The following GNAQ variants were observed in gnomAD, a reference collection of about 807,000 sequenced individuals.
GNAQ encodes G protein subunit alpha q, also known as guanine nucleotide-binding protein G(q) subunit alpha.
In GNAQ, 8 loss-of-function variants were observed where a neutral mutation model predicts 43.9. The ratio of observed to expected loss-of-function variants is 0.18; its 90% CI spans 0.11 to 0.33. GNAQ has a LOEUF of 0.33. Among genes scored for constraint, GNAQ ranks in the 10% least tolerant of loss-of-function variants. The pLI, the probability that GNAQ is intolerant of heterozygous loss-of-function variation, is 1.00. For synonymous variants in GNAQ, 155 were observed against 170.7 expected, an observed-to-expected ratio of 0.91 and a Z score of 0.71; for missense variants, 158 against 450.8, an observed-to-expected ratio of 0.35 and a Z score of 5.88.
intron 5 of GNAQ, among the ~76,000 whole-genome samples, chr9:77,784,555 A>T (rs190671876): frequency 1.6e-4 from 24 of 152,366 alleles, no homozygotes; most frequent in Non-Finnish European, 1.5e-5. Context: ...AAAAATCTGC[A>T]TGCTAAAATA....
intron 5 of GNAQ, among the ~76,000 whole-genome samples, chr9:77,741,037 T>G (rs1019637331): frequency 6.6e-6 from 1 of 152,250 alleles, no homozygotes; most frequent in Non-Finnish European, 1.5e-5. Context: ...TTTCAAGTAA[T>G]TTTCATGTGT....
At chr9:77,998,794 A>G (rs928197564) in intron 1 of GNAQ, among the ~76,000 whole-genome samples, 2 of 152,148 alleles carry the variant, frequency 1.3e-5, no homozygotes, top group African/African-American at 4.8e-5. Context: ...CACTGCAATA[A>G]GACTTAAAAG....
At chr9:77,897,734 G>C (rs1449180467) in intron 2 of GNAQ, among the ~76,000 whole-genome samples, 1 of 152,066 alleles carries the variant, frequency 6.6e-6, no homozygotes, top group Admixed American at 6.5e-5. Flanking sequence ...AGTGAAGGGA[G>C]GCCACTCAGG....
intron 2 of GNAQ, among the ~76,000 whole-genome samples, chr9:77,912,828 C>G (rs1828830498): frequency 6.6e-6 from 1 of 152,142 alleles, no homozygotes; most frequent in African/African-American, 2.4e-5. Flanking sequence ...CAATGTGATA[C>G]CACTATCCAG....
intron 2 of GNAQ, among the ~76,000 whole-genome samples, chr9:77,881,208 C>T (rs1035560227): frequency 4.6e-5 from 7 of 152,126 alleles, no homozygotes; most frequent in African/African-American, 9.7e-5. Flanking sequence ...CCCCCCAAAA[C>T]GGGCAATATA....
intron 5 of GNAQ, among the ~76,000 whole-genome samples, chr9:77,753,548 A>G (rs1004418536): frequency 6.6e-6 from 1 of 152,252 alleles, no homozygotes; most frequent in African/African-American, 2.4e-5. Flanking sequence ...AACCTTTCAC[A>G]GAGTCAAGGA....
At chr9:77,901,365 C>T (rs1363484550) in intron 2 of GNAQ, among the ~76,000 whole-genome samples, 1 of 152,166 alleles carries the variant, frequency 6.6e-6, no homozygotes, top group African/African-American at 2.4e-5. Context: ...AAACCTGGCC[C>T]ATCTGTGTAT....
At chr9:77,912,732 T>G (rs1207568723) in intron 2 of GNAQ, among the ~76,000 whole-genome samples, 1 of 152,160 alleles carries the variant, frequency 6.6e-6, no homozygotes, top group Non-Finnish European at 1.5e-5. Context: ...AATTAATGTA[T>G]TTTATAAGAG....
At chr9:77,914,462 T>C (rs1042356213) in intron 2 of GNAQ, among the ~76,000 whole-genome samples, 1 of 152,072 alleles carries the variant, frequency 6.6e-6, no homozygotes, top group African/African-American at 2.4e-5. Flanking sequence ...AGTTTGAGAT[T>C]TAGCCTGACC....
chr9:78,024,221 G>A (rs190610592), intron 1 of GNAQ, among the ~76,000 whole-genome samples: 1 of 152,252 alleles, frequency 6.6e-6, no homozygotes, highest in African/African-American at 2.4e-5. Context: ...GAGAACAAAT[G>A]AGAGGAAGGC....
chr9:77,821,759 A>G lies in GNAQ; in HGVS notation c.322-5989T>C, dbSNP rs867443692. On this transcript the variant is annotated intron_variant, in intron 2 of 6. Transcript: ENST00000286548. ...TGTGTGTGTGTGTGTGTGTGTGTGT[A>G]TGTATGTATGCATTATTAATACCAC... Among the ~76,000 whole-genome samples, 156 of 86,004 alleles carry G rather than the reference A, an allele frequency of 1.8e-3. 2 individuals carry two copies. Among genetic ancestry groups the G allele is most frequent in the African/African-American group, 3.5e-3 (84 of 23,968 alleles). 56.4% of individuals were successfully genotyped at this position (86,004 alleles called of 152,430 possible).
At chr9:77,996,612 A>T (rs1823570612) in intron 1 of GNAQ, among the ~76,000 whole-genome samples, 1 of 146,680 alleles carries the variant, frequency 6.8e-6, no homozygotes, top group Admixed American at 7.2e-5. Flanking sequence ...CGGGAGGTGG[A>T]GCTTGCAGTG....
intron 2 of GNAQ, among the ~76,000 whole-genome samples, chr9:77,890,129 TTATC>T (rs1828377731): frequency 1.3e-5 from 2 of 152,156 alleles, no homozygotes; most frequent in African/African-American, 4.8e-5. Flanking sequence ...TTGAAATACT[TTATC>T]TTAGTTATAA....
chr9:77,919,117 A>G (rs1375811757), intron 2 of GNAQ, among the ~76,000 whole-genome samples: 1 of 152,078 alleles, frequency 6.6e-6, no homozygotes, highest in African/African-American at 2.4e-5. Flanking sequence ...ACAGGATTTC[A>G]CCATGCTAGC....
intron 2 of GNAQ, among the ~76,000 whole-genome samples, chr9:77,920,458 T>C (rs1009416829): frequency 6.6e-6 from 1 of 152,142 alleles, no homozygotes; most frequent in African/African-American, 2.4e-5. Flanking sequence ...CAGATCATCA[T>C]ATTATTAACT....
intron 3 of GNAQ, among the ~76,000 whole-genome samples, chr9:77,810,226 C>T (rs915482812): frequency 6.8e-6 from 1 of 146,640 alleles, no homozygotes; most frequent in Admixed American, 7.7e-5. Flanking sequence ...ATCTATCTAT[C>T]TATCTATCTA....
chr9:77,919,525 A>G (rs1828964825), intron 2 of GNAQ, among the ~76,000 whole-genome samples: 1 of 152,202 alleles, frequency 6.6e-6, no homozygotes, highest in Non-Finnish European at 1.5e-5. Flanking sequence ...AACAGGAAGG[A>G]GTAGACATGA....
intron 5 of GNAQ, among the ~76,000 whole-genome samples, chr9:77,747,803 T>C (rs184149675): frequency 1.3e-5 from 2 of 152,360 alleles, no homozygotes; most frequent in Admixed American, 1.3e-4. Context: ...GTAATTCCCG[T>C]GTGGGACCTA....
At chr9:77,918,977 C>T (rs1219863901) in intron 2 of GNAQ, among the ~76,000 whole-genome samples, 2 of 152,098 alleles carry the variant, frequency 1.3e-5, no homozygotes, top group Admixed American at 6.5e-5. Context: ...TGCAGCGTAG[C>T]GGCATGATCT....
Sources: gnomAD v4.1 joint callset for allele counts (sites outside exome capture counted in the v4.1 genomes callset) on GRCh38, gnomAD v4.1.1 for gene constraint, MANE v1.5 for transcripts, NCBI Gene and HGNC (gene_info 2026-07-23, HGNC 2026-07-21) for gene names.